The following TMOD3 variants were observed in gnomAD, a reference collection of about 807,000 sequenced individuals.
TMOD3 encodes tropomodulin-3.
TMOD3 carries 20 observed loss-of-function variants against 39.2 expected under a neutral mutation model. The ratio of observed to expected loss-of-function variants is 0.51; its 90% confidence interval spans 0.36 to 0.74. The LOEUF (loss-of-function observed/expected upper bound fraction) is 0.74, where lower values mean the gene tolerates loss of function less well. TMOD3 is among the 30% of genes least tolerant of loss of function. The pLI is 0.00. For synonymous variants in TMOD3, 143 were observed against 145.8 expected, an observed-to-expected ratio of 0.98 and a Z score of 0.14; for missense variants, 381 against 412.8, an observed-to-expected ratio of 0.92 and a Z score of 0.67.
At chr15:51,878,403 T>C (rs966183278) in intron 3 of TMOD3, among the ~76,000 whole-genome samples, 7 of 151,992 alleles carry the variant, frequency 4.6e-5, no homozygotes, top group East Asian at 3.9e-4. Context: ...TGTGTGTGTG[T>C]GTGTAAAACT....
chr15:51,868,744 G>A (rs1240943173), intron 2 of TMOD3, among the ~76,000 whole-genome samples: 7 of 152,140 alleles, frequency 4.6e-5, no homozygotes, highest in African/African-American at 1.7e-4. Context: ...AGCCGAGGAG[G>A]GCAGATCATC....
chr15:51,901,180 A>G (rs1398297778), intron 8 of TMOD3: 2 of 152,220 alleles, frequency 1.3e-5, no homozygotes, highest in Non-Finnish European at 2.9e-5. Flanking sequence ...ATACATCAGG[A>G]CCTCATTCTT....
intron 1 of TMOD3, chr15:51,860,273 A>C (rs987451570): frequency 1.9e-6 from 1 of 523,466 alleles, no homozygotes. Context: ...GTGACACATG[A>C]AATTCTGCAC....
chr15:51,886,731 G>C (rs537997642), intron 3 of TMOD3, among the ~76,000 whole-genome samples: 1 of 152,106 alleles, frequency 6.6e-6, no homozygotes, highest in Non-Finnish European at 1.5e-5. Flanking sequence ...GAGAGGGAGA[G>C]GGAGAGGGCT....
intron 7 of TMOD3, chr15:51,899,160 C>G (rs2056636431): frequency 6.6e-6 from 1 of 152,156 alleles, no homozygotes; most frequent in Admixed American, 6.5e-5. Flanking sequence ...ATAATTTACC[C>G]TCATTTTGGC....
At position 51,913,813 on chromosome 15, in the gene TMOD3, G is replaced by C. The variant is rs2056722267; in HGVS notation, c.*5003G>C. 1 of 152,104 alleles carries C rather than the reference G, an allele frequency of 6.6e-6. No homozygotes were observed. The highest frequency in any genetic ancestry group is 1.5e-5 in the Non-Finnish European group (1 of 68,072). The allele number at this position is 152,104 out of a possible 1,614,324, so 9.4% of individuals were successfully genotyped here. ...GGATCACTTGAGCTCAGGAGTTTGAGACCAACCTGCGTAACATGGTGAAAC... is the reference window on the plus strand; with the variant it reads ...GGATCACTTGAGCTCAGGAGTTTGACACCAACCTGCGTAACATGGTGAAAC... On this transcript the variant is annotated 3_prime_UTR_variant, in exon 10 of 10. Coordinates refer to ENST00000308580, the MANE Select transcript of TMOD3 (RefSeq NM_014547.5).
chr15:51,839,030 C>T (rs889895827), intron 1 of TMOD3, among the ~76,000 whole-genome samples: 1 of 152,118 alleles, frequency 6.6e-6, no homozygotes, highest in African/African-American at 2.4e-5. Context: ...GTGGGTCCCC[C>T]CACACAAGGA....
At chr15:51,905,617 G>A (rs1462790897) in intron 9 of TMOD3, among the ~76,000 whole-genome samples, 1 of 152,102 alleles carries the variant, frequency 6.6e-6, no homozygotes, top group African/African-American at 2.4e-5. Context: ...AGAGGCCACC[G>A]AATACATGAT....
chr15:51,896,830 T>G (rs2056623341), intron 7 of TMOD3, among the ~76,000 whole-genome samples: 1 of 152,242 alleles, frequency 6.6e-6, no homozygotes, highest in South Asian at 2.1e-4. Flanking sequence ...TTTTGTTGTA[T>G]CAATACATAG....
intron 3 of TMOD3, among the ~76,000 whole-genome samples, chr15:51,873,440 C>G (rs961343431): frequency 8.5e-5 from 13 of 152,182 alleles, no homozygotes; most frequent in African/African-American, 3.1e-4. Context: ...AAACCTACCT[C>G]TATTGAGAAA....
rs148372822 is a variant in TMOD3, at chr15:51,897,223, A to C, written c.735+697A>C. On this transcript the variant is annotated intron_variant, in intron 7 of 9. Transcript: ENST00000308580. The stretch of plus-strand genomic sequence containing the variant: ...CTCAGTCTACACTGACTTTCTGGGT[A>C]ATCTCAGAAATATATATATTATCTT... 3.9e-5 allele frequency among the ~76,000 whole-genome samples: 6 copies of C among 152,234 alleles called. No homozygotes were observed. The East Asian group carries it at 1.2e-3, about 29-fold the overall frequency.
At chr15:51,846,971 A>G (rs1680978260) in intron 1 of TMOD3, among the ~76,000 whole-genome samples, 2 of 152,122 alleles carry the variant, frequency 1.3e-5, no homozygotes, top group Admixed American at 1.3e-4. Flanking sequence ...GTATGCACAG[A>G]GTGGGTTCCT....
At chr15:51,859,546 C>A (rs1364692279) in intron 1 of TMOD3, 1 of 619,546 alleles carries the variant, frequency 1.6e-6, no homozygotes, top group Admixed American at 1.9e-5. Context: ...AGGTACTTAT[C>A]CTTCAGGGTT....
Position 51,909,083 on chromosome 15 carries a change from A to G in TMOD3, c.*273A>G, listed in dbSNP as rs2056697448. The G allele has an allele frequency of 3.3e-6, 1 of 305,690 alleles. No homozygotes were observed. Among genetic ancestry groups the G allele is most frequent in the African/African-American group, 2.2e-5 (1 of 46,286 alleles). The allele number at this position is 305,690 out of a possible 1,614,324, so 18.9% of individuals were successfully genotyped here. A position where few individuals can be genotyped will look rare whatever the true frequency, so the allele number is the denominator to read the frequency against. On this transcript the variant is annotated 3_prime_UTR_variant, in exon 10 of 10. Transcript: ENST00000308580. ...GGGCAAAAAAATACAACTGTAAAAA[A>G]TTTCACAGGTCATTTGTGTAGAATA...
chr15:51,860,738 C>T (rs1595895740), intron 1 of TMOD3: 1 of 378,922 alleles, frequency 2.6e-6, no homozygotes, highest in South Asian at 2.0e-5. Context: ...GAGTTGGAGA[C>T]CAGCCTGACC....
At position 51,908,820 on chromosome 15, in the gene TMOD3, G is replaced by A; in HGVS notation, c.*10G>A. ...AGGAGATCACCAGTAAGTCTGCAAA[G>A]GTGTAATCTTTGGAAGACTTCAGAA... On this transcript the variant is annotated 3_prime_UTR_variant, in exon 10 of 10. Transcript: ENST00000308580. The A allele has an allele frequency of 6.2e-7, 1 of 1,603,106 alleles. No homozygotes were observed. The highest frequency in any genetic ancestry group is 8.5e-7 in the Non-Finnish European group (1 of 1,175,408).
intron 1 of TMOD3, among the ~76,000 whole-genome samples, chr15:51,840,208 T>A (rs895052686): frequency 2.6e-5 from 4 of 152,204 alleles, no homozygotes; most frequent in African/African-American, 9.7e-5. Context: ...TCTCTTCTAT[T>A]GTTTTCTTTG....
chr15:51,886,419 C>T (rs2056563809), intron 3 of TMOD3, among the ~76,000 whole-genome samples: 1 of 152,258 alleles, frequency 6.6e-6, no homozygotes, highest in South Asian at 2.1e-4. Flanking sequence ...AATCCCGGCA[C>T]CTCGGGAGGC....
chr15:51,856,281 A>G (rs1036769928), intron 1 of TMOD3, among the ~76,000 whole-genome samples: 2 of 152,136 alleles, frequency 1.3e-5, no homozygotes, highest in Admixed American at 6.5e-5. Context: ...AAAACAAACA[A>G]ACAAAAAGTG....
Sources: gnomAD v4.1 joint callset for allele counts (sites outside exome capture counted in the v4.1 genomes callset) on GRCh38, gnomAD v4.1.1 for gene constraint, MANE v1.5 for transcripts, NCBI Gene and HGNC (gene_info 2026-07-23, HGNC 2026-07-21) for gene names.